DDX25: variants seen among roughly 807,000 people sequenced by gnomAD.
The protein encoded by DDX25 is ATP-dependent RNA helicase DDX25.
DDX25 carries 70 observed loss-of-function variants against 64.6 expected under a neutral mutation model. That is an observed-to-expected ratio of 1.08 (90% CI 0.89 to 1.32). The LOEUF (loss-of-function observed/expected upper bound fraction) is 1.32. Among genes scored for constraint, DDX25 ranks in the 40% most tolerant of loss-of-function variants. The pLI, the probability that DDX25 is intolerant of heterozygous loss-of-function variation, is 0.00. For missense variants in DDX25, 587 were observed against 604.4 expected (o/e 0.97, Z 0.30); for synonymous variants, 211 against 213.3 (o/e 0.99, Z 0.09).
chr11:125,917,019 T>G lies in DDX25; in HGVS notation c.806T>G (p.Leu269Arg). Residue 269 changes from leucine to arginine, a missense_variant, in exon 9 of 12, where the codon CTA (leucine) becomes CGA (arginine). Leu to Arg is a moderately radical substitution (Grantham distance 102, BLOSUM62 -2). Coordinates refer to ENST00000263576, the MANE Select transcript of DDX25 (RefSeq NM_013264.5). ...CCTTCTCTCCTCTATCACAGAGCTC[T>G]ACCCTCCGAATGCCAAATGCTCCTC... ...SDHSIRIQRA[L>R]PSECQMLLFS... The G allele has an allele frequency of 6.3e-7, 1 of 1,590,658 alleles. No homozygotes were observed. The highest frequency in any genetic ancestry group is 8.6e-7 in the Non-Finnish European group (1 of 1,168,110).
At position 125,921,162 on chromosome 11, in the gene DDX25, A is replaced by G. The variant is rs747708433; in HGVS notation, c.1202-29A>G. The G allele has an allele frequency of 1.9e-6, 3 of 1,589,860 alleles. No individual in the cohort carries two copies. The highest frequency in any genetic ancestry group is 1.7e-5 in the Admixed American group (1 of 57,248). On this transcript the variant is annotated intron_variant, in intron 10 of 11. Transcript: ENST00000263576. The surrounding 1 kb of genome is among the most constrained non-coding windows in gnomAD (Gnocchi z 4.1). ...GCCCGTGTACTGAGGAAAGCATTGCAGGACCCTACAGTGTTTTTCCTCTTC... is the reference window on the plus strand; with the variant it reads ...GCCCGTGTACTGAGGAAAGCATTGCGGGACCCTACAGTGTTTTTCCTCTTC...
upstream of DDX25, among the ~76,000 whole-genome samples, chr11:125,903,821 G>T (rs778279372): frequency 6.6e-6 from 1 of 152,120 alleles, no homozygotes; most frequent in Non-Finnish European, 1.5e-5. Context: ...TAGTACCAGG[G>T]ATCCAGGGAT....
At chr11:125,912,973 C>T (rs1406925674) in intron 8 of DDX25, among the ~76,000 whole-genome samples, 3 of 151,906 alleles carry the variant, frequency 2.0e-5, no homozygotes, top group East Asian at 3.9e-4. Context: ...CTGGCTAACA[C>T]GGTGAAACCC....
At chr11:125,917,349 C>T (rs1347423232) in intron 9 of DDX25, 98 bp downstream of exon 9, 3 of 1,129,146 alleles carry the variant, frequency 2.7e-6, no homozygotes, top group Non-Finnish European at 3.8e-6. Context: ...CCATGTTCAG[C>T]ACTTCTTGTG....
intron 4 of DDX25, among the ~76,000 whole-genome samples, chr11:125,907,354 A>T (rs1209688887): frequency 1.3e-5 from 2 of 152,190 alleles, no homozygotes; most frequent in East Asian, 3.8e-4. Flanking sequence ...CACGCCTGTA[A>T]TCCCAGCACT....
At chr11:125,914,223 G>C (rs955393426) in intron 8 of DDX25, among the ~76,000 whole-genome samples, 1 of 152,144 alleles carries the variant, frequency 6.6e-6, no homozygotes, top group African/African-American at 2.4e-5. Context: ...AGGGTGAGAA[G>C]CTACAATTCC....
chr11:125,908,339 T>C, intron 5 of DDX25, 51 bp downstream of exon 5: 1 of 1,613,118 alleles, frequency 6.2e-7, no homozygotes, highest in South Asian at 1.1e-5. Context: ...AGTTTCTTAT[T>C]TTCAGTTTAT....
At chr11:125,920,994 C>T (rs1200326151) in intron 10 of DDX25, 197 bp from the exon 11 acceptor site, 9 of 577,364 alleles carry the variant, frequency 1.6e-5, no homozygotes, top group Non-Finnish European at 2.4e-5. Context: ...TCTCTATGGA[C>T]ACGCTCATCT....
chr11:125,904,496 G>C (rs1944847075), upstream of DDX25: 1 of 1,478,536 alleles, frequency 6.8e-7, no homozygotes, highest in South Asian at 1.4e-5. Flanking sequence ...ACGTGCTGGG[G>C]GCGGGAGCAG....
At position 125,925,458 on chromosome 11, in the gene DDX25, G is replaced by A; in HGVS notation, c.*2577G>A. 2.2e-6 allele frequency: 1 copy of A among 456,268 alleles called. No individual in the cohort carries two copies. Among genetic ancestry groups the A allele is most frequent in the Non-Finnish European group, 4.4e-6 (1 of 226,952 alleles). 28.3% of individuals were successfully genotyped at this position (456,268 alleles called of 1,614,324 possible). A position where few individuals can be genotyped will look rare whatever the true frequency, so the allele number is the denominator to read the frequency against. On this transcript the variant is annotated 3_prime_UTR_variant, in exon 12 of 12. Coordinates refer to ENST00000263576, the MANE Select transcript of DDX25 (RefSeq NM_013264.5). Reference sequence around the variant, plus strand: ...ATCCAAAGGCTGTTTTTTGCAGGGTGCAGCTCCTGTCAGAGCTGTAAGCAA... The same window carrying A: ...ATCCAAAGGCTGTTTTTTGCAGGGTACAGCTCCTGTCAGAGCTGTAAGCAA...
At chr11:125,906,233 A>G (rs746662332) in intron 4 of DDX25, 24 bp downstream of exon 4, 3 of 1,521,022 alleles carry the variant, frequency 2.0e-6, no homozygotes, top group African/African-American at 1.4e-5. Flanking sequence ...CTCTTTTAAT[A>G]TGGGAAAAAT....
intron 1 of DDX25, chr11:125,904,855 G>A: frequency 1.8e-6 from 1 of 566,794 alleles, no homozygotes; most frequent in East Asian, 3.0e-5. Flanking sequence ...TAGACCCCGA[G>A]TTTTCTACTC....
intron 8 of DDX25, among the ~76,000 whole-genome samples, chr11:125,912,282 A>G (rs1944977044): frequency 6.6e-6 from 1 of 152,076 alleles, no homozygotes; most frequent in Non-Finnish European, 1.5e-5. Context: ...CACCCATTCT[A>G]CCTTTCCTAT....
At chr11:125,910,627 C>T in intron 7 of DDX25, 149 bp downstream of exon 7, 2 of 724,582 alleles carry the variant, frequency 2.8e-6, no homozygotes, top group Non-Finnish European at 4.6e-6. Context: ...ATTGAGATGA[C>T]GTTGGTAAAG....
intron 9 of DDX25, among the ~76,000 whole-genome samples, chr11:125,918,032 C>T (rs1945061491): frequency 6.6e-6 from 1 of 152,128 alleles, no homozygotes; most frequent in South Asian, 2.1e-4. Flanking sequence ...GCGCCTGCCA[C>T]CACACCTGGC....
At chr11:125,918,867 G>A (rs1229909453) in intron 10 of DDX25, 77 bp downstream of exon 10, 54 of 1,437,378 alleles carry the variant, frequency 3.8e-5, no homozygotes, top group South Asian at 3.6e-4. Context: ...ACAGTTTCGC[G>A]AGTTTCGACA....
In DDX25 at chr11:125,908,246, C is replaced by A. The variant is rs1250611763; in HGVS notation, c.362C>A (p.Ser121Tyr). ...GIYAMGFNRP[S>Y]KIQEMALPMM... ...TATGCAATGGGATTTAATAGGCCAT[C>A]TAAAATCCAAGAGATGGCTCTCCCT... Residue 121 changes from serine (S) to tyrosine (Y), a missense_variant, in exon 5 of 12, where the codon TCT becomes TAT. Transcript: ENST00000263576. The A allele has an allele frequency of 6.2e-7, 1 of 1,613,126 alleles. No homozygotes were observed. The highest frequency in any genetic ancestry group is 2.2e-5 in the East Asian group (1 of 44,890).
In DDX25 at chr11:125,917,178, G is replaced by A. The variant is rs751784540; in HGVS notation, c.965G>A (p.Arg322Lys). 6.2e-7 allele frequency: 1 copy of A among 1,611,634 alleles called. No homozygotes were observed. Among genetic ancestry groups the A allele is most frequent in the South Asian group, 1.1e-5 (1 of 90,168 alleles). The change falls in exon 9 of 12, where the codon AGG (arginine) becomes AAG (lysine). Residue 322 changes from arginine to lysine, a missense_variant. Coordinates refer to ENST00000263576, the MANE Select transcript of DDX25 (RefSeq NM_013264.5). ...IRQYYVLCEH[R>K]KDKYQALCNI... is the part of the protein sequence containing the mutation. ...CAATATTACGTGCTGTGTGAGCACA[G>A]GAAAGACAAATACCAAGCTCTGTGC... is the stretch of plus-strand genomic sequence containing the variant.
intron 1 of DDX25, 98 bp downstream of exon 1, chr11:125,904,678 C>T (rs776546920): frequency 3.0e-5 from 39 of 1,303,100 alleles, no homozygotes; most frequent in Non-Finnish European, 2.7e-5. Flanking sequence ...CGCGAGCGTT[C>T]GAAGTGGGGC....
Sources: gnomAD v4.1 joint callset for allele counts (sites outside exome capture counted in the v4.1 genomes callset) on GRCh38, gnomAD v4.1.1 for gene constraint, Gnocchi (gnomAD v3.1) non-coding constraint, MANE v1.5 for transcripts, NCBI Gene and HGNC (gene_info 2026-07-23, HGNC 2026-07-21) for gene names.